The following TTC7A variants were observed in gnomAD, a reference collection of about 807,000 sequenced individuals.
TTC7A encodes tetratricopeptide repeat protein 7A.
A neutral mutation model predicts 103.7 loss-of-function variants in TTC7A; 110 were observed. The observed-to-expected ratio is 1.06, with a 90% CI of 0.91 to 1.24. The LOEUF is 1.24. Among genes scored for constraint, TTC7A ranks in the 50% most tolerant of loss-of-function variants. The probability of loss-of-function intolerance (pLI) is 0.00; values close to 1 mark genes in which losing one functional copy is unlikely to be tolerated. For missense variants in TTC7A, 1,340 were observed against 1,116.3 expected (o/e 1.20, Z -2.86); for synonymous variants, 521 against 467.9 (o/e 1.11, Z -1.47).
intron 1 of TTC7A, among the ~76,000 whole-genome samples, chr2:46,943,899 T>C (rs1209604344): frequency 2.6e-5 from 4 of 152,138 alleles, no homozygotes; most frequent in Non-Finnish European, 5.9e-5. Flanking sequence ...GAAAAGTACC[T>C]CCTACCCAGA....
At chr2:47,060,326 C>T (rs761546030) in intron 18 of TTC7A, among the ~76,000 whole-genome samples, 31 of 151,870 alleles carry the variant, frequency 2.0e-4, no homozygotes, top group Admixed American at 3.9e-4. Flanking sequence ...GCTGAGATCG[C>T]GCCACTGCAC....
At chr2:47,012,526 G>A (rs1320358510) in intron 11 of TTC7A, among the ~76,000 whole-genome samples, 9 of 152,198 alleles carry the variant, frequency 5.9e-5, no homozygotes, top group South Asian at 2.1e-4. Flanking sequence ...GGCAGTGGGG[G>A]CCAGGCTCTG....
At chr2:46,950,668 C>CT (rs746832602) in intron 2 of TTC7A, 142 bp downstream of exon 2, 109 of 818,734 alleles carry the variant, frequency 1.3e-4, no homozygotes, top group Non-Finnish European at 2.0e-4. Context: ...TAGCCACTGG[C>CT]TGCACATGGC....
intron 5 of TTC7A, among the ~76,000 whole-genome samples, chr2:46,979,821 C>T (rs963545122): frequency 7.2e-5 from 11 of 152,366 alleles, no homozygotes; most frequent in African/African-American, 2.2e-4. Context: ...GGGCCCCTTC[C>T]TCTGCGTCAT....
intron 8 of TTC7A, among the ~76,000 whole-genome samples, chr2:46,999,186 A>T (rs1676531845): frequency 6.6e-6 from 1 of 151,502 alleles, no homozygotes; most frequent in Non-Finnish European, 1.5e-5. Flanking sequence ...CCATTCATCC[A>T]CCATCCATCC....
chr2:46,993,148 C>T (rs1456338434), intron 5 of TTC7A, among the ~76,000 whole-genome samples: 3 of 152,178 alleles, frequency 2.0e-5, no homozygotes, highest in Admixed American at 1.3e-4. Flanking sequence ...GCTCTTAGTC[C>T]AAGGTCACAC....
At chr2:46,935,191 A>C (rs560235881) in intron 2 of TTC7A, among the ~76,000 whole-genome samples, 1 of 152,212 alleles carries the variant, frequency 6.6e-6, no homozygotes, top group African/African-American at 2.4e-5. Flanking sequence ...TCCCTGCTGG[A>C]AAAGAGCTGT....
rs17480988 is a variant in TTC7A, at chr2:46,994,745, A to G, written c.1001+231A>G. Among the ~76,000 whole-genome samples the G allele has an allele frequency of 0.17, 25,949 of 152,196 alleles. 2,414 individuals carry two copies. Among genetic ancestry groups the G allele is most frequent in the Admixed American group, 0.19 (2,880 of 15,292 alleles). ...CACTCGGAGACCAAAGAAATCATTT[A>G]GAAGTTACCTGTCTTCCCAGTAGTC... On this transcript the variant is annotated intron_variant, in intron 7 of 19. Transcript: ENST00000319190.
Position 46,999,333 on chromosome 2 carries a change from C to T in TTC7A, c.1065+4134C>T, listed in dbSNP as rs150169939. 1.8e-3 allele frequency: 352 copies of T among 192,478 alleles called. 2 individuals are homozygous for T. Among genetic ancestry groups the T allele is most frequent in the African/African-American group, 8.1e-3 (344 of 42,246 alleles). 11.9% of individuals were successfully genotyped at this position (192,478 alleles called of 1,614,324 possible). A position where few individuals can be genotyped will look rare whatever the true frequency, so the allele number is the denominator to read the frequency against. On this transcript the variant is annotated intron_variant, in intron 8 of 19. Transcript: ENST00000319190. ...TCCATCTACCCACCATTCATCTGTC[C>T]ACCTATTCATCCACCTATCATTCAT...
intron 19 of TTC7A, among the ~76,000 whole-genome samples, chr2:47,064,792 A>G (rs1684056781): frequency 6.6e-6 from 1 of 152,226 alleles, no homozygotes; most frequent in Non-Finnish European, 1.5e-5. Flanking sequence ...AGCTGAGATT[A>G]GAGCACCTCA....
intron 1 of TTC7A, among the ~76,000 whole-genome samples, chr2:46,947,648 T>C (rs1196776662): frequency 6.6e-6 from 1 of 151,924 alleles, no homozygotes; most frequent in Non-Finnish European, 1.5e-5. Flanking sequence ...ACCCAGGAGG[T>C]GGAGGTTGCA....
intron 5 of TTC7A, among the ~76,000 whole-genome samples, chr2:46,993,077 A>C (rs1165017511): frequency 1.3e-5 from 2 of 152,262 alleles, no homozygotes; most frequent in Non-Finnish European, 2.9e-5. Flanking sequence ...AATCGGATAC[A>C]GCAAGTGAAG....
At chr2:46,974,574 G>C in intron 3 of TTC7A, 1 of 441,368 alleles carries the variant, frequency 2.3e-6, no homozygotes, top group Non-Finnish European at 4.5e-6. Context: ...GGAAGGTAAA[G>C]GTTATTGCAT....
At chr2:46,957,518 G>A (rs938754206) in intron 3 of TTC7A, among the ~76,000 whole-genome samples, 6 of 152,224 alleles carry the variant, frequency 3.9e-5, no homozygotes, top group African/African-American at 1.4e-4. Flanking sequence ...GGCCCAGGGA[G>A]CAGGGGCTGA....
At chr2:46,979,330 T>C (rs776778678) in intron 5 of TTC7A, among the ~76,000 whole-genome samples, 1 of 152,162 alleles carries the variant, frequency 6.6e-6, no homozygotes, top group Non-Finnish European at 1.5e-5. Flanking sequence ...AAAAACCCAA[T>C]GGGAAGGCAG....
chr2:47,027,837 C>T (rs1247583864), intron 14 of TTC7A, among the ~76,000 whole-genome samples: 2 of 151,764 alleles, frequency 1.3e-5, no homozygotes, highest in Non-Finnish European at 2.9e-5. Flanking sequence ...CATGGGACTG[C>T]GTAAGGGGCT....
intron 5 of TTC7A, among the ~76,000 whole-genome samples, chr2:46,988,396 C>T (rs983305454): frequency 5.3e-5 from 8 of 152,218 alleles, no homozygotes; most frequent in African/African-American, 1.9e-4. Context: ...CCCTGATTCA[C>T]CCGTTCAGCT....
At chr2:47,039,031 GTGACAT>G (rs1423891544) in intron 15 of TTC7A, among the ~76,000 whole-genome samples, 2 of 152,170 alleles carry the variant, frequency 1.3e-5, no homozygotes, top group Admixed American at 1.3e-4. Flanking sequence ...CTCTTGAGGG[GTGACAT>G]GCGCCAGGCA....
At chr2:46,961,576 C>CAAATTAAAT (rs1672371780) in intron 3 of TTC7A, among the ~76,000 whole-genome samples, 1 of 135,098 alleles carries the variant, frequency 7.4e-6, no homozygotes, top group African/African-American at 2.8e-5. Context: ...GACTCCATCT[C>CAAATTAAAT]AAATAAATAA....
Sources: gnomAD v4.1 joint callset for allele counts (sites outside exome capture counted in the v4.1 genomes callset) on GRCh38, gnomAD v4.1.1 for gene constraint, MANE v1.5 for transcripts, NCBI Gene and HGNC (gene_info 2026-07-23, HGNC 2026-07-21) for gene names.